SLC4A10: variants seen among roughly 807,000 people sequenced by gnomAD.
SLC4A10 encodes the protein solute carrier family 4 member 10, also known as sodium-driven chloride bicarbonate exchanger.
SLC4A10 carries 42 observed loss-of-function variants against 137.7 expected under a neutral mutation model. The ratio of observed to expected loss-of-function variants is 0.30; its 90% confidence interval spans 0.24 to 0.39. The LOEUF is 0.39. Ranked by LOEUF, SLC4A10 falls within the 10% of genes least tolerant of loss-of-function variation. The probability of loss-of-function intolerance (pLI) is 1.00; values close to 1 mark genes in which losing one functional copy is unlikely to be tolerated. For synonymous variants in SLC4A10, 474 were observed against 464.1 expected, an observed-to-expected ratio of 1.02 and a Z score of -0.27; for missense variants, 925 against 1,355.0, an observed-to-expected ratio of 0.68 and a Z score of 4.98.
At chr2:161,760,664 T>G (rs2125356580) in intron 1 of SLC4A10, among the ~76,000 whole-genome samples, 1 of 152,202 alleles carries the variant, frequency 6.6e-6, no homozygotes, top group East Asian at 1.9e-4. Flanking sequence ...TCAGCTCAAG[T>G]GTCTCTTTCA....
At chr2:161,744,174 C>T (rs1043466970) in intron 1 of SLC4A10, among the ~76,000 whole-genome samples, 18 of 152,192 alleles carry the variant, frequency 1.2e-4, no homozygotes, top group African/African-American at 4.3e-4. Context: ...TGGTGAACAA[C>T]AGCAGTCAAA....
At chr2:161,836,596 GA>G (rs1405259436) in intron 3 of SLC4A10, among the ~76,000 whole-genome samples, 27 of 26,266 alleles carry the variant, frequency 1.0e-3, no homozygotes, top group Non-Finnish European at 1.4e-3. Flanking sequence ...AAGAAAGAAA[GA>G]AAGGAAGGAA....
chr2:161,643,754 A>G (rs951496066), intron 1 of SLC4A10, among the ~76,000 whole-genome samples: 25 of 152,082 alleles, frequency 1.6e-4, no homozygotes, highest in Non-Finnish European at 3.1e-4. Flanking sequence ...TGTTTTTATT[A>G]TTTGCATTCT....
chr2:161,872,581 C>T (rs559354208), intron 7 of SLC4A10, among the ~76,000 whole-genome samples, 197 bp downstream of exon 7: 123 of 149,590 alleles, frequency 8.2e-4, no homozygotes, highest in African/African-American at 2.9e-3. Flanking sequence ...AAAACTGAAC[C>T]TGTGAGTTTT....
At chr2:161,802,597 G>T (rs552569277) in intron 2 of SLC4A10, among the ~76,000 whole-genome samples, 1 of 152,164 alleles carries the variant, frequency 6.6e-6, no homozygotes, top group Non-Finnish European at 1.5e-5. Flanking sequence ...TTTCCTTGCT[G>T]TATTAGTTGA....
chr2:161,838,538 A>G (rs2058966233), intron 3 of SLC4A10, among the ~76,000 whole-genome samples: 1 of 152,226 alleles, frequency 6.6e-6, no homozygotes, highest in Non-Finnish European at 1.5e-5. Flanking sequence ...ATAAAGTCAA[A>G]CTATAAATGG....
chr2:161,664,244 T>A (rs1448380032), intron 1 of SLC4A10, among the ~76,000 whole-genome samples: 1 of 151,966 alleles, frequency 6.6e-6, no homozygotes, highest in Non-Finnish European at 1.5e-5. Flanking sequence ...AGAGTTATTA[T>A]GAAGCAACAA....
At chr2:161,900,122 T>C (rs1404310531) in intron 11 of SLC4A10, among the ~76,000 whole-genome samples, 2 of 152,124 alleles carry the variant, frequency 1.3e-5, no homozygotes, top group East Asian at 3.9e-4. Flanking sequence ...TGCTCTAAGA[T>C]CACCATAGGT....
chr2:161,639,806 T>G (rs549293958), intron 1 of SLC4A10, among the ~76,000 whole-genome samples: 1 of 152,154 alleles, frequency 6.6e-6, no homozygotes, highest in African/African-American at 2.4e-5. Flanking sequence ...AAAGGTCATT[T>G]AAATTGGAAA....
intron 2 of SLC4A10, among the ~76,000 whole-genome samples, chr2:161,796,790 A>G (rs1197420143): frequency 6.6e-6 from 1 of 151,988 alleles, no homozygotes; most frequent in African/African-American, 2.4e-5. Context: ...CTCCTCAGCA[A>G]CTTCTCGGTT....
chr2:161,694,215 A>C (rs931036889), intron 1 of SLC4A10, among the ~76,000 whole-genome samples: 2 of 152,044 alleles, frequency 1.3e-5, no homozygotes, highest in African/African-American at 4.8e-5. Context: ...AGAGGAACAA[A>C]TATTTGCATT....
intron 3 of SLC4A10, among the ~76,000 whole-genome samples, chr2:161,824,590 G>A (rs1054419161): frequency 1.3e-5 from 2 of 152,164 alleles, no homozygotes; most frequent in Non-Finnish European, 1.5e-5. Flanking sequence ...CGATGAAGAT[G>A]AGTATTTCTA....
In SLC4A10 at chr2:161,984,774, A is replaced by G. The variant is rs1174365087; in HGVS notation, c.*1622A>G. ...TTATAAATGCTGAAAAAATACAGAA[A>G]CTTTCTGTTCCAAATGTGTTGCCTT... On this transcript the variant is annotated 3_prime_UTR_variant, in exon 27 of 27. Transcript: ENST00000446997. The G allele has an allele frequency of 1.3e-5, 2 of 152,026 alleles. No individual in the cohort carries two copies. Among genetic ancestry groups the G allele is most frequent in the Non-Finnish European group, 2.9e-5 (2 of 67,924 alleles). The allele number at this position is 152,026 out of a possible 1,614,324, so 9.4% of individuals were successfully genotyped here. A position where few individuals can be genotyped will look rare whatever the true frequency, so the allele number is the denominator to read the frequency against.
chr2:161,832,356 TG>T (rs2058485350), intron 3 of SLC4A10, among the ~76,000 whole-genome samples: 1 of 152,208 alleles, frequency 6.6e-6, no homozygotes, highest in African/African-American at 2.4e-5. Context: ...TCACAATTCT[TG>T]GCAGTTTTGG....
chr2:161,767,121 ATATATATATATATATATATG>A (rs1482317668), intron 1 of SLC4A10, among the ~76,000 whole-genome samples: 81 of 79,674 alleles, frequency 1.0e-3, no homozygotes, highest in African/African-American at 4.3e-3. Flanking sequence ...ATATATATAT[ATATATATATATATATATATG>A]TGTGTGTGTG....
At chr2:161,915,946 T>C (rs1246063517) in intron 15 of SLC4A10, among the ~76,000 whole-genome samples, 2 of 152,128 alleles carry the variant, frequency 1.3e-5, no homozygotes, top group Non-Finnish European at 2.9e-5. Flanking sequence ...TGCTATCATA[T>C]AAAGGTATAT....
intron 3 of SLC4A10, among the ~76,000 whole-genome samples, chr2:161,809,272 G>A (rs775048530): frequency 6.6e-6 from 1 of 151,828 alleles, no homozygotes; most frequent in Admixed American, 6.6e-5. Context: ...TTGTGGATTC[G>A]GGGTATCAGA....
At chr2:161,959,170 T>G (rs545475491) in intron 21 of SLC4A10, among the ~76,000 whole-genome samples, 25 of 152,344 alleles carry the variant, frequency 1.6e-4, no homozygotes, top group African/African-American at 5.5e-4. Context: ...TTTGTTGAGA[T>G]AGTGATATCC....
At chr2:161,748,264 A>C (rs972990580) in intron 1 of SLC4A10, among the ~76,000 whole-genome samples, 1 of 151,844 alleles carries the variant, frequency 6.6e-6, no homozygotes, top group Non-Finnish European at 1.5e-5. Context: ...CTGTGCAGAA[A>C]CTTCTTAGTT....
Sources: gnomAD v4.1 joint callset for allele counts (sites outside exome capture counted in the v4.1 genomes callset) on GRCh38, gnomAD v4.1.1 for gene constraint, MANE v1.5 for transcripts, NCBI Gene and HGNC (gene_info 2026-07-23, HGNC 2026-07-21) for gene names.